CYP27C1: variants seen among roughly 807,000 people sequenced by gnomAD.
CYP27C1 encodes the protein cytochrome P450 27C1.
CYP27C1 carries 29 observed loss-of-function variants against 40.6 expected under a neutral mutation model. The observed-to-expected ratio is 0.71, with a 90% CI of 0.53 to 0.97. CYP27C1 has a LOEUF of 0.97. CYP27C1 is among the 50% of genes least tolerant of loss of function. The pLI, the probability that CYP27C1 is intolerant of heterozygous loss-of-function variation, is 0.00. For missense variants in CYP27C1, 390 were observed against 485.8 expected (o/e 0.80, Z 1.85); for synonymous variants, 198 against 186.8 (o/e 1.06, Z -0.49).
rs1292932154 is a variant in CYP27C1 at position 127,204,505 on chromosome 2, G to A, written c.474-934C>T. ...GAAAGAAAGGAAGGAAGGAAGGAAG[G>A]AAAGAAAGAAGGAAAGAAAGAAAGA... On this transcript the variant is annotated intron_variant, in intron 2 of 8. Transcript: ENST00000664447. 1.8e-3 allele frequency among the ~76,000 whole-genome samples: 131 copies of A among 72,074 alleles called. 8 individuals are homozygous for A. The highest frequency in any genetic ancestry group is 3.6e-3 in the Admixed American group (19 of 5,214). 47.3% of individuals were successfully genotyped at this position (72,074 alleles called of 152,430 possible). A position where few individuals can be genotyped will look rare whatever the true frequency, so the allele number is the denominator to read the frequency against.
At chr2:127,211,366 TTTG>T (rs1479862269) in intron 1 of CYP27C1, among the ~76,000 whole-genome samples, 12 of 97,212 alleles carry the variant, frequency 1.2e-4, no homozygotes, top group African/African-American at 2.9e-4. Context: ...GCAGTGTTTT[TTTG>T]TTTTTTTTTT....
At chr2:127,190,847 T>C (rs983605947) in intron 8 of CYP27C1, among the ~76,000 whole-genome samples, 1 of 149,876 alleles carries the variant, frequency 6.7e-6, no homozygotes, top group Non-Finnish European at 1.5e-5. Context: ...CTCCAGAGGC[T>C]GAGGCAGGAG....
Position 127,187,270 on chromosome 2 carries a change from C to A in CYP27C1, c.*1G>T. On this transcript the variant is annotated 3_prime_UTR_variant, in exon 9 of 9. Transcript: ENST00000664447. ...CATCAGCCCAGGTTTAAAATCTAGG[C>A]TTACTTTCTGTTAACAAATCGCACG... 3 of 1,613,770 alleles carry A rather than the reference C, an allele frequency of 1.9e-6. No individual in the cohort carries two copies. The highest frequency in any genetic ancestry group is 2.5e-6 in the Non-Finnish European group (3 of 1,179,700).
At chr2:127,189,181 GC>G (rs1026808711) in intron 8 of CYP27C1, among the ~76,000 whole-genome samples, 1 of 80,400 alleles carries the variant, frequency 1.2e-5, no homozygotes, top group Non-Finnish European at 2.7e-5. Flanking sequence ...CCCCCCCTCC[GC>G]CCCCCTACAT....
At chr2:127,191,048 C>G (rs1298560833) in intron 8 of CYP27C1, among the ~76,000 whole-genome samples, 3 of 151,640 alleles carry the variant, frequency 2.0e-5, no homozygotes, top group Non-Finnish European at 2.9e-5. Context: ...TAGTTCGGGA[C>G]CAGCCTGGCC....
chr2:127,197,994 G>A (rs977561827), intron 5 of CYP27C1, among the ~76,000 whole-genome samples: 1 of 152,080 alleles, frequency 6.6e-6, no homozygotes, highest in Admixed American at 6.6e-5. Context: ...GGGAGGGGGC[G>A]GTGCCGCTGC....
At chr2:127,204,282 AAG>A (rs1220024513) in intron 2 of CYP27C1, among the ~76,000 whole-genome samples, 16 of 109,324 alleles carry the variant, frequency 1.5e-4, no homozygotes, top group East Asian at 3.0e-4. Context: ...AAAAGAAAGA[AAG>A]AGAGAGAGAG....
rs1558931324 is a variant in CYP27C1, at chr2:127,204,549, G to GAA, written c.474-979_474-978insTT. Among the ~76,000 whole-genome samples the GAA allele has an allele frequency of 4.7e-3, 366 of 77,818 alleles. 4 individuals carry two copies. Among genetic ancestry groups the GAA allele is most frequent in the East Asian group, 0.011 (24 of 2,194 alleles). 51.1% of individuals were successfully genotyped at this position (77,818 alleles called of 152,430 possible). A position where few individuals can be genotyped will look rare whatever the true frequency, so the allele number is the denominator to read the frequency against. On this transcript the variant is annotated intron_variant, in intron 2 of 8. Transcript: ENST00000664447. ...AGAAAGAAAGAAAGAGAGAGAGAGA[G>GAA]AGAGAGAGAAAGAAAGAAAGAAAGA...
Position 127,192,454 on chromosome 2 carries a change from C to T in CYP27C1, c.1497+640G>A, listed in dbSNP as rs370670925. 4.9e-4 allele frequency among the ~76,000 whole-genome samples: 74 copies of T among 152,336 alleles called. 2 individuals carry two copies. The highest frequency in any genetic ancestry group is 1.4e-3 in the African/African-American group (60 of 41,572). On this transcript the variant is annotated intron_variant, in intron 8 of 8. Transcript: ENST00000664447. Reference sequence around the variant, plus strand: ...TCCTGCTATAGCCTGAATCCAGATACGGTGCAAACCCAGAATTATGTATCT... The same window carrying T: ...TCCTGCTATAGCCTGAATCCAGATATGGTGCAAACCCAGAATTATGTATCT...
chr2:127,193,413 C>A, intron 7 of CYP27C1, 116 bp from the exon 8 acceptor site: 1 of 1,201,014 alleles, frequency 8.3e-7, no homozygotes, highest in Non-Finnish European at 1.2e-6. Context: ...GGGGGCCGCC[C>A]GGGTCCACTC....
chr2:127,209,549 G>A lies in CYP27C1; in HGVS notation c.283-3459C>T, dbSNP rs1189168421. ...TGACAGAAGTACACTTCAGAAGATG[G>A]GTAATAAAAAACTGCGATGACCTAA... On this transcript the variant is annotated intron_variant, in intron 1 of 8. Coordinates refer to ENST00000664447, the MANE Select transcript of CYP27C1 (RefSeq NM_001367502.1). This position sits in a 1 kb window ranked among gnomAD's most constrained non-coding sequence, Gnocchi z 4.1. Among the ~76,000 whole-genome samples the A allele has an allele frequency of 6.6e-6, 1 of 152,112 alleles. No homozygotes were observed. The highest frequency in any genetic ancestry group is 2.4e-5 in the African/African-American group (1 of 41,414).
At position 127,193,154 on chromosome 2, in the gene CYP27C1, C is replaced by T. The variant is rs1682820090; in HGVS notation, c.1437G>A (p.Gly479=). 1 of 1,614,198 alleles carries T rather than the reference C, an allele frequency of 6.2e-7. No homozygotes were observed. The highest frequency in any genetic ancestry group is 8.5e-7 in the Non-Finnish European group (1 of 1,180,036). ...DNFGSIPFGH[G]VRSCIGRRIA... is the part of the protein sequence containing the mutation. ...TTCTCCGCCCTATGCAGCTGCGAACCCCATGACCAAAGGGGATGGATCCAA... is the reference window on the plus strand; with the variant it reads ...TTCTCCGCCCTATGCAGCTGCGAACTCCATGACCAAAGGGGATGGATCCAA... The change falls in exon 8 of 9, where the codon GGG becomes GGA. Residue 479 remains glycine (G), a synonymous_variant. Coordinates refer to ENST00000664447, the MANE Select transcript of CYP27C1 (RefSeq NM_001367502.1).
rs1195295955 is a variant in CYP27C1, at chr2:127,204,553, GAGAGAAAGAAAGAAAGAAAGAA to G, written c.474-1004_474-983del. 5.5e-4 allele frequency among the ~76,000 whole-genome samples: 39 copies of G among 70,622 alleles called. 1 individual carries two copies. The highest frequency in any genetic ancestry group is 1.4e-3 in the African/African-American group (24 of 17,384). The allele number at this position is 70,622 out of a possible 152,430, so 46.3% of individuals were successfully genotyped here. A position where few individuals can be genotyped will look rare whatever the true frequency, so the allele number is the denominator to read the frequency against. ...AGAAAGAAAGAGAGAGAGAGAGAGA[GAGAGAAAGAAAGAAAGAAAGAA>G]AGAAAGAAAGAAAGAAAGAAAGAAA... On this transcript the variant is annotated intron_variant, in intron 2 of 8. Transcript: ENST00000664447.
chr2:127,206,913 C>G (rs1474753486), intron 1 of CYP27C1, among the ~76,000 whole-genome samples: 1 of 152,180 alleles, frequency 6.6e-6, no homozygotes, highest in Non-Finnish European at 1.5e-5. Flanking sequence ...ACAGAAAATC[C>G]TACGGAACCT....
chr2:127,204,553 GAGAGAA>G (rs1386645044), intron 2 of CYP27C1, among the ~76,000 whole-genome samples: 374 of 70,452 alleles, frequency 5.3e-3, no homozygotes, highest in African/African-American at 0.013. Flanking sequence ...GAGAGAGAGA[GAGAGAA>G]AGAAAGAAAG....
intron 6 of CYP27C1, 38 bp from the exon 7 acceptor site, chr2:127,193,905 A>G: frequency 1.2e-6 from 2 of 1,608,852 alleles, no homozygotes; most frequent in Non-Finnish European, 1.7e-6. Context: ...TGGCGTGGTG[A>G]CTTTCACAGT....
chr2:127,211,361 G>GTTTTTTTT lies in CYP27C1; in HGVS notation c.283-5272_283-5271insAAAAAAAA, dbSNP rs1156982574. 3.3e-4 allele frequency among the ~76,000 whole-genome samples: 34 copies of GTTTTTTTT among 103,628 alleles called. 5 individuals carry two copies. Among genetic ancestry groups the GTTTTTTTT allele is most frequent in the African/African-American group, 7.1e-4 (18 of 25,206 alleles). The allele number at this position is 103,628 out of a possible 152,430, so 68.0% of individuals were successfully genotyped here. ...ATCTCTGGGATACAGCTAAAGCAGT[G>GTTTTTTTT]TTTTTTTGTTTTTTTTTTTTTTTTT... On this transcript the variant is annotated intron_variant, in intron 1 of 8. Coordinates refer to ENST00000664447, the MANE Select transcript of CYP27C1 (RefSeq NM_001367502.1).
Position 127,193,048 on chromosome 2 carries a change from G to A in CYP27C1, c.1497+46C>T, listed in dbSNP as rs188215270. The A allele has an allele frequency of 2.2e-5, 36 of 1,604,022 alleles. No individual in the cohort carries two copies. In the Admixed American group the frequency reaches 3.7e-4, roughly 17 times the overall value. On this transcript the variant is annotated intron_variant, in intron 8 of 8. Coordinates refer to ENST00000664447, the MANE Select transcript of CYP27C1 (RefSeq NM_001367502.1). ...AGTCTTTATCCTGTTGTGCCCAGTA[G>A]AAAGAGGCCGAACCCAAAGGCCAAC... is the stretch of plus-strand genomic sequence containing the variant.
intron 1 of CYP27C1, among the ~76,000 whole-genome samples, chr2:127,212,806 G>T (rs890608342): frequency 1.3e-5 from 2 of 152,190 alleles, no homozygotes; most frequent in Non-Finnish European, 2.9e-5. Flanking sequence ...AGTATTGGAA[G>T]TTTTGGCCAG....
Sources: gnomAD v4.1 joint callset for allele counts (sites outside exome capture counted in the v4.1 genomes callset) on GRCh38, gnomAD v4.1.1 for gene constraint, Gnocchi (gnomAD v3.1) non-coding constraint, MANE v1.5 for transcripts, NCBI Gene and HGNC (gene_info 2026-07-23, HGNC 2026-07-21) for gene names.